ZSCAN5A: variants seen among roughly 807,000 people sequenced by gnomAD.
ZSCAN5A encodes zinc finger and SCAN domain-containing protein 5A.
ZSCAN5A carries 12 observed loss-of-function variants against 23.7 expected under a neutral mutation model. That is an observed-to-expected ratio of 0.51 (90% CI 0.32 to 0.82). ZSCAN5A has a LOEUF of 0.82. Among genes scored for constraint, ZSCAN5A ranks in the 40% least tolerant of loss-of-function variants. The pLI, the probability that ZSCAN5A is intolerant of heterozygous loss-of-function variation, is 0.03. For missense variants in ZSCAN5A, 597 were observed against 617.9 expected, an observed-to-expected ratio of 0.97 and a Z score of 0.36; for synonymous variants, 257 against 239.9, an observed-to-expected ratio of 1.07 and a Z score of -0.66.
intron 2 of ZSCAN5A, among the ~76,000 whole-genome samples, chr19:56,292,928 T>C (rs572710885): frequency 9.8e-4 from 150 of 152,342 alleles, no homozygotes; most frequent in Middle Eastern, 3.4e-3. Context: ...CAATACTCCA[T>C]TGCATGGATA....
intron 2 of ZSCAN5A, among the ~76,000 whole-genome samples, chr19:56,280,072 A>G (rs141857192): frequency 5.0e-4 from 76 of 152,306 alleles, no homozygotes; most frequent in African/African-American, 1.8e-3. Flanking sequence ...AAAGAATCTG[A>G]TATTAATTAT....
intron 2 of ZSCAN5A, among the ~76,000 whole-genome samples, chr19:56,359,469 A>G (rs1371297821): frequency 6.6e-6 from 1 of 152,214 alleles, no homozygotes; most frequent in Non-Finnish European, 1.5e-5. Flanking sequence ...CCAGGACCAG[A>G]TGGATTTACA....
intron 2 of ZSCAN5A, among the ~76,000 whole-genome samples, chr19:56,252,598 G>T (rs10401852): frequency 0.069 from 10,565 of 152,254 alleles, 1,232 homozygotes; most frequent in African/African-American, 0.24. Context: ...ACTGGCACTA[G>T]AAGAGGGAGT....
intron 2 of ZSCAN5A, among the ~76,000 whole-genome samples, chr19:56,241,819 TTC>T (rs1260704894): frequency 1.3e-5 from 2 of 152,214 alleles, no homozygotes; most frequent in African/African-American, 4.8e-5. Context: ...TGTCATCTAC[TTC>T]TTTTTTAATT....
At chr19:56,289,543 T>C (rs1353187803) in intron 2 of ZSCAN5A, among the ~76,000 whole-genome samples, 2 of 152,210 alleles carry the variant, frequency 1.3e-5, no homozygotes, top group Non-Finnish European at 2.9e-5. Flanking sequence ...TTTTAGTACA[T>C]GTCCTAGAAA....
At chr19:56,276,103 G>A (rs2038228819) in intron 2 of ZSCAN5A, among the ~76,000 whole-genome samples, 2 of 152,110 alleles carry the variant, frequency 1.3e-5, no homozygotes, top group South Asian at 4.1e-4. Flanking sequence ...TGCAACTAAA[G>A]AAAAAAGTAA....
intron 2 of ZSCAN5A, among the ~76,000 whole-genome samples, chr19:56,257,086 T>C (rs2036754508): frequency 6.6e-6 from 1 of 152,148 alleles, no homozygotes; most frequent in African/African-American, 2.4e-5. Flanking sequence ...TGGCTATCAT[T>C]TCTAGCGGGG....
chr19:56,362,351 G>A (rs1430289931), intron 2 of ZSCAN5A, among the ~76,000 whole-genome samples: 2 of 151,906 alleles, frequency 1.3e-5, no homozygotes, highest in Non-Finnish European at 2.9e-5. Context: ...CAGATCACCT[G>A]AGGTCAGGGG....
intron 2 of ZSCAN5A, among the ~76,000 whole-genome samples, chr19:56,238,836 C>T (rs4399644): frequency 0.1 from 13,574 of 136,354 alleles, 891 homozygotes; most frequent in Middle Eastern, 0.17. Context: ...TACCAAAATG[C>T]CAAGGACATT....
intron 2 of ZSCAN5A, among the ~76,000 whole-genome samples, chr19:56,247,971 T>C (rs1402048681): frequency 6.6e-6 from 1 of 152,202 alleles, no homozygotes; most frequent in Non-Finnish European, 1.5e-5. Context: ...ATTACAGGCG[T>C]GAGCCACCGC....
At position 56,289,578 on chromosome 19, in the gene ZSCAN5A, C is replaced by T. The variant is rs1197847601; in HGVS notation, c.-128+23705G>A. ...AACTGTATGGCACATAGTTGGACCA[C>T]ACAAATGTTTCTCTTGTGTGTGGTG... On this transcript the variant is annotated intron_variant, in intron 2 of 5. Transcript: ENST00000683990. 2.6e-5 allele frequency among the ~76,000 whole-genome samples: 4 copies of T among 152,260 alleles called. No individual in the cohort carries two copies. In the East Asian group the frequency reaches 7.7e-4, roughly 29 times the overall value.
At chr19:56,344,894 A>G (rs1192806576) in intron 2 of ZSCAN5A, among the ~76,000 whole-genome samples, 1 of 127,310 alleles carries the variant, frequency 7.9e-6, no homozygotes, top group Non-Finnish European at 1.6e-5. Context: ...TGGGCGACAG[A>G]GCGAGACTCC....
intron 2 of ZSCAN5A, among the ~76,000 whole-genome samples, chr19:56,293,987 A>G (rs2039692868): frequency 2.0e-5 from 3 of 152,146 alleles, no homozygotes; most frequent in Non-Finnish European, 4.4e-5. Context: ...TGTTCTGAAC[A>G]CTCCCATGTC....
chr19:56,283,360 T>G (rs1025649698), intron 2 of ZSCAN5A: 1 of 152,194 alleles, frequency 6.6e-6, no homozygotes, highest in African/African-American at 2.4e-5. Context: ...ATTATCTTCC[T>G]TCTTTATTGA....
At chr19:56,323,948 T>C (rs887946932) in intron 2 of ZSCAN5A, among the ~76,000 whole-genome samples, 5 of 152,134 alleles carry the variant, frequency 3.3e-5, no homozygotes, top group Non-Finnish European at 5.9e-5. Context: ...TGGGACTCCA[T>C]CACCCCAAAC....
At chr19:56,276,364 T>C (rs2038252551) in intron 2 of ZSCAN5A, among the ~76,000 whole-genome samples, 1 of 152,090 alleles carries the variant, frequency 6.6e-6, no homozygotes, top group East Asian at 1.9e-4. Context: ...ATGAAGAGCA[T>C]TTATCAGGGA....
At chr19:56,327,061 A>AT (rs74177182) in intron 2 of ZSCAN5A, among the ~76,000 whole-genome samples, 135 of 147,752 alleles carry the variant, frequency 9.1e-4, no homozygotes, top group South Asian at 7.9e-3. Context: ...AGCTACAGTG[A>AT]TTTTTTTTTT....
intron 1 of ZSCAN5A, among the ~76,000 whole-genome samples, chr19:56,365,323 T>C (rs2041757708): frequency 6.6e-6 from 1 of 152,210 alleles, no homozygotes; most frequent in South Asian, 2.1e-4. Context: ...GTAATGCTTA[T>C]TCAATAATAA....
At position 56,245,847 on chromosome 19, in the gene ZSCAN5A, G is replaced by A. The variant is rs1176324271; in HGVS notation, c.-127-20674C>T. Among the ~76,000 whole-genome samples the A allele has an allele frequency of 9.2e-5, 14 of 152,270 alleles. No homozygotes were observed. The South Asian group carries it at 1.0e-3, about 11-fold the overall frequency. On this transcript the variant is annotated intron_variant, in intron 2 of 5. Coordinates refer to ENST00000683990, the MANE Select transcript of ZSCAN5A (RefSeq NM_001322064.3). ...CCTTTCAGGACACATGGCCATGTCT[G>A]GAGATGTGTTTGTGTGTCATTGTAG...
Sources: allele counts gnomAD v4.1 joint callset (sites outside exome capture counted in the v4.1 genomes callset), GRCh38; gene constraint gnomAD v4.1.1; transcripts MANE v1.5; gene names NCBI Gene and HGNC (gene_info 2026-07-23, HGNC 2026-07-21).